Variants in SIAE observed in about 807,000 individuals in gnomAD.
The protein encoded by SIAE is sialic acid acetylesterase, also known as sialate O-acetylesterase.
A neutral mutation model predicts 52.6 loss-of-function variants in SIAE; 39 were observed. The observed-to-expected ratio is 0.74, with a 90% CI of 0.57 to 0.97. The LOEUF is 0.97. SIAE is among the 50% of genes least tolerant of loss of function. SIAE has a pLI of 0.00. For synonymous variants in SIAE, 233 were observed against 241.4 expected (o/e 0.97, Z 0.32); for missense variants, 592 against 662.1 (o/e 0.89, Z 1.16).
At chr11:124,647,937 C>T in intron 6 of SIAE, 129 bp downstream of exon 6, 1 of 786,642 alleles carries the variant, frequency 1.3e-6, no homozygotes, top group Non-Finnish European at 2.2e-6. Context: ...CTACCCTGCT[C>T]ACCCACAGAA....
At chr11:124,675,190 AG>A (rs1943444518), upstream of SIAE, 4 of 1,522,132 alleles carry the variant, frequency 2.6e-6, no homozygotes, top group Non-Finnish European at 3.5e-6. Context: ...TGATTATATA[AG>A]TAAAATCAGA....
chr11:124,642,509 A>G (rs1222784507), intron 7 of SIAE, among the ~76,000 whole-genome samples: 1 of 152,210 alleles, frequency 6.6e-6, no homozygotes, highest in South Asian at 2.1e-4. Flanking sequence ...GGAGAAAAAT[A>G]TAATAGGGAA....
At chr11:124,672,314 C>T (rs1050226833) in intron 1 of SIAE, among the ~76,000 whole-genome samples, 5 of 152,134 alleles carry the variant, frequency 3.3e-5, no homozygotes, top group African/African-American at 7.2e-5. Flanking sequence ...TGAGGAGCTC[C>T]GGATGCATTG....
chr11:124,667,032 TATGTAATA>T (rs1943282140), intron 2 of SIAE, among the ~76,000 whole-genome samples: 1 of 152,238 alleles, frequency 6.6e-6, no homozygotes, highest in Non-Finnish European at 1.5e-5. Context: ...ACTGAAATGC[TATGTAATA>T]TTGTATGCTT....
intron 7 of SIAE, among the ~76,000 whole-genome samples, chr11:124,646,663 C>A (rs758046159): frequency 6.6e-6 from 1 of 152,156 alleles, no homozygotes; most frequent in Non-Finnish European, 1.5e-5. Context: ...TCAGAGAAAT[C>A]TGGGGACATG....
At chr11:124,647,328 G>A in intron 7 of SIAE, 37 bp downstream of exon 7, 1 of 1,614,008 alleles carries the variant, frequency 6.2e-7, no homozygotes, top group African/African-American at 1.3e-5. Flanking sequence ...AGGAACAGGT[G>A]TTGACATGAA....
At position 124,673,678 on chromosome 11, in the gene SIAE, C is replaced by A. The variant is rs1943410447; in HGVS notation, c.31G>T (p.Val11Leu). The A allele has an allele frequency of 6.2e-7, 1 of 1,613,560 alleles. No individual in the cohort carries two copies. Among genetic ancestry groups the A allele is most frequent in the African/African-American group, 1.3e-5 (1 of 74,914 alleles). ...TCGGCCCACAGGATTAATGGCAGCA[C>A]CAGCCCGAGTACAAGCCCCGGCGCG... is the stretch of plus-strand genomic sequence containing the variant. MVAPGLVLGL[V>L]LPLILWADRS... Residue 11 changes from valine (V) to leucine (L), a missense_variant, in exon 1 of 10, where the codon GTG (valine) becomes TTG (leucine). Transcript: ENST00000263593.
intron 2 of SIAE, among the ~76,000 whole-genome samples, chr11:124,661,753 A>T (rs1943189855): frequency 6.6e-6 from 1 of 152,288 alleles, no homozygotes; most frequent in African/African-American, 2.4e-5. Flanking sequence ...TCTTGGCATT[A>T]TGCCAAAGAA....
At chr11:124,657,613 AC>A (rs1269753987) in intron 3 of SIAE, among the ~76,000 whole-genome samples, 2 of 152,260 alleles carry the variant, frequency 1.3e-5, no homozygotes, top group South Asian at 2.1e-4. Context: ...TGATACCAGC[AC>A]ACGGAAGTGG....
intron 4 of SIAE, among the ~76,000 whole-genome samples, chr11:124,653,916 C>A (rs757423265): frequency 1.3e-5 from 2 of 152,160 alleles, no homozygotes; most frequent in Admixed American, 6.5e-5. Context: ...CAGTGGCTCA[C>A]GCCTGTAATC....
chr11:124,654,631 C>T, intron 4 of SIAE, 24 bp downstream of exon 4: 13 of 1,614,042 alleles, frequency 8.1e-6, no homozygotes, highest in African/African-American at 1.3e-5. Context: ...ATATAAGAGA[C>T]AGCACGTTCA....
intron 5 of SIAE, among the ~76,000 whole-genome samples, chr11:124,648,874 G>A (rs888686139): frequency 2.0e-5 from 3 of 152,126 alleles, no homozygotes; most frequent in African/African-American, 7.2e-5. Context: ...CTCCCCCACA[G>A]GCAAGCTTTT....
At chr11:124,658,926 G>T (rs1167928894) in intron 3 of SIAE, 2 of 152,160 alleles carry the variant, frequency 1.3e-5, no homozygotes, top group East Asian at 1.9e-4. Context: ...ACTGTTAAGA[G>T]ACTAGAAACT....
chr11:124,665,619 C>T (rs1205488478), intron 2 of SIAE, among the ~76,000 whole-genome samples: 1 of 152,126 alleles, frequency 6.6e-6, no homozygotes. Flanking sequence ...TTGTTTTAAG[C>T]ACCTAAGTTT....
At chr11:124,651,015 C>T (rs1025101457) in intron 4 of SIAE, among the ~76,000 whole-genome samples, 1 of 152,056 alleles carries the variant, frequency 6.6e-6, no homozygotes, top group African/African-American at 2.4e-5. Context: ...GGGGGGCATG[C>T]ATGTACACAC....
intron 7 of SIAE, among the ~76,000 whole-genome samples, chr11:124,640,490 A>G (rs983265727): frequency 2.6e-5 from 4 of 152,212 alleles, no homozygotes; most frequent in Admixed American, 6.5e-5. Flanking sequence ...AGCAAAAAAT[A>G]TGGCTGATGG....
rs376857712 is a variant in SIAE at position 124,637,088 on chromosome 11, G to A, written c.1435C>T (p.Arg479Cys). ...DSCHGTVVAL[R>C]YAWTTWPCEY... ...CAAGGCCACGTGGTCCAAGCATAGCGGAGAGCAACCACAGTGCCATGACAA... is the reference window on the plus strand; with the variant it reads ...CAAGGCCACGTGGTCCAAGCATAGCAGAGAGCAACCACAGTGCCATGACAA... Residue 479 changes from arginine (R) to cysteine (C), a missense_variant, in exon 10 of 10, where the codon CGC becomes TGC. By Grantham distance (180) the Arg-to-Cys change is radical (BLOSUM62 -3). Coordinates refer to ENST00000263593, the MANE Select transcript of SIAE (RefSeq NM_170601.5). 1.6e-4 allele frequency: 252 copies of A among 1,614,046 alleles called. No homozygotes were observed. Among genetic ancestry groups the A allele is most frequent in the Non-Finnish European group, 2.0e-4 (233 of 1,180,036 alleles).
At chr11:124,637,509 A>G (rs1305372562) in intron 9 of SIAE, among the ~76,000 whole-genome samples, 1 of 152,208 alleles carries the variant, frequency 6.6e-6, no homozygotes, top group Non-Finnish European at 1.5e-5. Flanking sequence ...TCTTTGGGTG[A>G]TCCCTCTTGC....
upstream of SIAE, chr11:124,673,765 G>T: frequency 1.3e-6 from 2 of 1,588,404 alleles, no homozygotes; most frequent in Non-Finnish European, 1.7e-6. Flanking sequence ...CGGCAGGGGC[G>T]GGGCCTGGGC....
Sources: allele counts gnomAD v4.1 joint callset (sites outside exome capture counted in the v4.1 genomes callset), GRCh38; gene constraint gnomAD v4.1.1; transcripts MANE v1.5; gene names NCBI Gene and HGNC (gene_info 2026-07-23, HGNC 2026-07-21).